Variants in BLOC1S5 observed in about 807,000 individuals in gnomAD.
The protein encoded by BLOC1S5 is biogenesis of lysosomal organelles complex 1 subunit 5.
BLOC1S5 carries 27 observed loss-of-function variants against 24.3 expected under a neutral mutation model. The observed-to-expected ratio is 1.11, with a 90% CI of 0.82 to 1.53. BLOC1S5 has a LOEUF of 1.53. Among genes scored for constraint, BLOC1S5 ranks in the 40% most tolerant of loss-of-function variants. The pLI is 0.00. For synonymous variants in BLOC1S5, 84 were observed against 74.5 expected, an observed-to-expected ratio of 1.13 and a Z score of -0.66; for missense variants, 239 against 229.4, an observed-to-expected ratio of 1.04 and a Z score of -0.27.
chr6:8,017,394 A>ACACACACACC (rs1360614193), intron 4 of BLOC1S5, among the ~76,000 whole-genome samples: 1 of 150,738 alleles, frequency 6.6e-6, no homozygotes, highest in African/African-American at 2.5e-5. Context: ...AAACACACAC[A>ACACACACACC]CACACACACA....
rs1251293986 is a variant in BLOC1S5, at chr6:8,057,605, A to C, written c.195+4929T>G. Among the ~76,000 whole-genome samples, 4 of 152,206 alleles carry C rather than the reference A, an allele frequency of 2.6e-5. No individual in the cohort carries two copies. In the East Asian group the frequency reaches 7.7e-4, roughly 29 times the overall value. On this transcript the variant is annotated intron_variant, in intron 2 of 4. Transcript: ENST00000397457. ...CACATACTTCTCATGTGTTATATGG[A>C]ACAGACACTCTGATAAAATGATGTT...
chr6:8,050,051 T>G (rs1188877712), intron 2 of BLOC1S5, among the ~76,000 whole-genome samples: 1 of 152,182 alleles, frequency 6.6e-6, no homozygotes, highest in East Asian at 1.9e-4. Context: ...ATACCTCACT[T>G]TACTATGCTT....
chr6:8,041,093 C>T (rs1159831415), intron 3 of BLOC1S5, 46 bp downstream of exon 3: 2 of 1,548,156 alleles, frequency 1.3e-6, no homozygotes, highest in East Asian at 4.6e-5. Flanking sequence ...TTTGGTGTAG[C>T]ATTCATTTGA....
chr6:8,025,160 TTATCCTC>T (rs1225248735), intron 4 of BLOC1S5, among the ~76,000 whole-genome samples: 1 of 152,272 alleles, frequency 6.6e-6, no homozygotes, highest in Non-Finnish European at 1.5e-5. Flanking sequence ...AGTTCTTACT[TTATCCTC>T]TATTATTATA....
chr6:8,037,476 G>A (rs894195325), intron 3 of BLOC1S5, among the ~76,000 whole-genome samples: 3 of 152,010 alleles, frequency 2.0e-5, no homozygotes, highest in Non-Finnish European at 4.4e-5. Flanking sequence ...AAATTGAAGA[G>A]GGCACACAAA....
intron 3 of BLOC1S5, among the ~76,000 whole-genome samples, chr6:8,040,739 T>C (rs2815139): frequency 0.46 from 69,802 of 151,740 alleles, 16,679 homozygotes; most frequent in East Asian, 0.81. Context: ...ACCTGTAGTC[T>C]CAGCTACTCA....
chr6:8,029,298 C>T (rs995689978), intron 3 of BLOC1S5, among the ~76,000 whole-genome samples: 2 of 152,212 alleles, frequency 1.3e-5, no homozygotes, highest in Non-Finnish European at 2.9e-5. Flanking sequence ...AATGAAAACA[C>T]TCTGAGGAGA....
intron 4 of BLOC1S5, among the ~76,000 whole-genome samples, chr6:8,020,109 T>G (rs1762870313): frequency 1.3e-5 from 2 of 152,384 alleles, no homozygotes; most frequent in African/African-American, 4.8e-5. Context: ...AAAATTATTC[T>G]GTAACATTTA....
intron 2 of BLOC1S5, among the ~76,000 whole-genome samples, chr6:8,053,279 C>G (rs1764190994): frequency 6.6e-6 from 1 of 152,124 alleles, no homozygotes; most frequent in Non-Finnish European, 1.5e-5. Flanking sequence ...GGGTAAAACG[C>G]TACCAAGCAG....
chr6:8,063,607 T>C (rs1456439161), intron 1 of BLOC1S5, among the ~76,000 whole-genome samples: 1 of 152,188 alleles, frequency 6.6e-6, no homozygotes, highest in East Asian at 1.9e-4. Flanking sequence ...ATACAAGCAC[T>C]GTATATAAGC....
intron 2 of BLOC1S5, among the ~76,000 whole-genome samples, chr6:8,045,448 T>C (rs2113573266): frequency 6.6e-6 from 1 of 152,294 alleles, no homozygotes; most frequent in East Asian, 1.9e-4. Flanking sequence ...GAGTCCCTAC[T>C]GGGGCACTGC....
intron 4 of BLOC1S5, among the ~76,000 whole-genome samples, chr6:8,024,730 A>C (rs1326228594): frequency 1.3e-5 from 2 of 151,864 alleles, no homozygotes; most frequent in East Asian, 3.9e-4. Flanking sequence ...ACAAACAGTG[A>C]GCTGGCAGGA....
rs757169126 is a variant in BLOC1S5, at chr6:8,064,269, G to C, written c.108C>G (p.Ile36Met). The change falls in exon 1 of 5, where the codon ATC (isoleucine) becomes ATG (methionine). Residue 36 changes from isoleucine to methionine, a missense_variant. By Grantham distance (10) the Ile-to-Met change is conservative. Coordinates refer to ENST00000397457, the MANE Select transcript of BLOC1S5 (RefSeq NM_201280.3). Reference sequence around the variant, plus strand: ...TATAGCCCTGACACTCCGTACCCTTGATAATGAGGTGCGCTGAGCCCGCAG... The same window carrying C: ...TATAGCCCTGACACTCCGTACCCTTCATAATGAGGTGCGCTGAGCCCGCAG... ...LGTAGSAHLIIKDLGEIHSRL... is the reference protein window; with the variant it reads ...LGTAGSAHLIMKDLGEIHSRL... 8 of 1,612,892 alleles carry C rather than the reference G, an allele frequency of 5.0e-6. No individual in the cohort carries two copies. In the African/African-American group the frequency reaches 1.1e-4, roughly 22 times the overall value.
intron 2 of BLOC1S5, among the ~76,000 whole-genome samples, chr6:8,051,255 G>C (rs922465534): frequency 2.0e-5 from 3 of 152,080 alleles, no homozygotes; most frequent in Non-Finnish European, 4.4e-5. Context: ...TTGCTGATAG[G>C]GAGAAAGTTT....
chr6:8,024,753 C>T (rs1763052671), intron 4 of BLOC1S5, among the ~76,000 whole-genome samples: 1 of 144,868 alleles, frequency 6.9e-6, no homozygotes, highest in Non-Finnish European at 1.5e-5. Flanking sequence ...AAAATGCTGC[C>T]CTACATTTTG....
At chr6:8,024,563 A>C (rs1212271937) in intron 4 of BLOC1S5, among the ~76,000 whole-genome samples, 1 of 151,810 alleles carries the variant, frequency 6.6e-6, no homozygotes, top group African/African-American at 2.4e-5. Flanking sequence ...AAATATTAAA[A>C]TATTCTTATT....
At position 8,046,367 on chromosome 6, in the gene BLOC1S5, A is replaced by C. The variant is rs1376881935; in HGVS notation, c.196-5099T>G. On this transcript the variant is annotated intron_variant, in intron 2 of 4. Transcript: ENST00000397457. ...TTTATAAGCAGCATGAAAATGGACT[A>C]ACACAGGGGTACATGGGAATTATCT... 2.6e-5 allele frequency among the ~76,000 whole-genome samples: 4 copies of C among 152,142 alleles called. No individual in the cohort carries two copies. In the East Asian group the frequency reaches 7.7e-4, roughly 29 times the overall value.
chr6:8,031,426 A>C (rs114716875), intron 3 of BLOC1S5, among the ~76,000 whole-genome samples: 5,951 of 152,274 alleles, frequency 0.039, 368 homozygotes, highest in African/African-American at 0.13. Flanking sequence ...AGGAGGTGAA[A>C]GACCTCTACA....
At chr6:8,016,697 T>A (rs1762747622) in intron 4 of BLOC1S5, among the ~76,000 whole-genome samples, 1 of 151,594 alleles carries the variant, frequency 6.6e-6, no homozygotes, top group Non-Finnish European at 1.5e-5. Flanking sequence ...CAGAACCCCG[T>A]CTCTACTAAA....
Sources: gnomAD v4.1 joint callset for allele counts (sites outside exome capture counted in the v4.1 genomes callset) on GRCh38, gnomAD v4.1.1 for gene constraint, MANE v1.5 for transcripts, NCBI Gene and HGNC (gene_info 2026-07-23, HGNC 2026-07-21) for gene names.